DNAH17: variants seen among roughly 807,000 people sequenced by gnomAD.
DNAH17 encodes the protein axonemal beta dynein heavy chain 17.
DNAH17 carries 376 observed loss-of-function variants against 485.6 expected under a neutral mutation model. The ratio of observed to expected loss-of-function variants is 0.77; its 90% CI spans 0.71 to 0.84. The LOEUF (loss-of-function observed/expected upper bound fraction) is 0.84. Ranked by LOEUF, DNAH17 falls within the 40% of genes least tolerant of loss-of-function variation. The pLI, the probability that DNAH17 is intolerant of heterozygous loss-of-function variation, is 0.00. For synonymous variants in DNAH17, 3,031 were observed against 2,405.9 expected (o/e 1.26, Z -7.60); for missense variants, 6,370 against 5,839.3 (o/e 1.09, Z -2.96).
In DNAH17 at chr17:78,539,808, T is replaced by C. The variant is rs750751297; in HGVS notation, c.2605A>G (p.Met869Val). Residue 869 changes from methionine to valine, a missense_variant, in exon 18 of 81, where the codon ATG (methionine) becomes GTG (valine). Coordinates refer to ENST00000389840, the MANE Select transcript of DNAH17 (RefSeq NM_173628.4). ...AACTGGTCAAATTCATCTAAGACCATGTCGTCAATGTAGATGACATAATCC... is the reference window on the plus strand; with the variant it reads ...AACTGGTCAAATTCATCTAAGACCACGTCGTCAATGTAGATGACATAATCC... ...WKDYVIYIDD[M>V]VLDEFDQFIR... is the part of the protein sequence containing the mutation. The C allele has an allele frequency of 3.7e-6, 6 of 1,612,032 alleles. No individual in the cohort carries two copies. In the Admixed American group the frequency reaches 5.0e-5, roughly 13 times the overall value.
intron 11 of DNAH17, among the ~76,000 whole-genome samples, chr17:78,566,177 G>A (rs772643591): frequency 2.3e-4 from 35 of 151,980 alleles, no homozygotes; most frequent in Non-Finnish European, 4.1e-4. Flanking sequence ...TAAGCCACCC[G>A]GTCTACAGCA....
intron 55 of DNAH17, among the ~76,000 whole-genome samples, chr17:78,467,584 A>G (rs1568098337): frequency 6.6e-6 from 1 of 152,150 alleles, no homozygotes; most frequent in Non-Finnish European, 1.5e-5. Context: ...TGTTTGAGTC[A>G]AGCAGGGGAA....
rs73387129 is a variant in DNAH17 at position 78,494,896 on chromosome 17, C to G, written c.6042+63G>C. The G allele has an allele frequency of 0.092, 145,898 of 1,577,774 alleles. 7,459 individuals carry two copies. The highest frequency in any genetic ancestry group is 0.16 in the African/African-American group (11,655 of 74,398). On this transcript the variant is annotated intron_variant, in intron 39 of 80. Transcript: ENST00000389840. ...CAGCAGGCAGGTCTGGAAGCCAACC[C>G]TGGCTGCTGCCCGCATCTCAAACTC...
At chr17:78,465,980 G>A (rs2088429494) in intron 56 of DNAH17, among the ~76,000 whole-genome samples, 1 of 152,214 alleles carries the variant, frequency 6.6e-6, no homozygotes, top group Non-Finnish European at 1.5e-5. Context: ...CGGCTTTGTG[G>A]AATGGAGAGG....
In DNAH17 at chr17:78,455,821, T is replaced by C; in HGVS notation, c.9993A>G (p.Leu3331=). The change falls in exon 63 of 81, where the codon TTA becomes TTG. Residue 3331 remains leucine (L), a synonymous_variant. Transcript: ENST00000389840. Reference sequence around the variant, plus strand: ...CAGCCCAGCGGATGTTTTCCGATGCTAATCCCCCGACCAGCCTAAAGTGGG... The same window carrying C: ...CAGCCCAGCGGATGTTTTCCGATGCCAATCCCCCGACCAGCCTAAAGTGGG... ...ILLANRLVGG[L]ASENIRWAES... The C allele has an allele frequency of 6.2e-7, 1 of 1,604,250 alleles. No individual in the cohort carries two copies. The highest frequency in any genetic ancestry group is 8.5e-7 in the Non-Finnish European group (1 of 1,175,256).
rs369068782 is a variant in DNAH17, at chr17:78,486,481, G to A, written c.6844C>T (p.Arg2282Cys). 6.5e-5 allele frequency: 104 copies of A among 1,611,074 alleles called. No individual in the cohort carries two copies. The highest frequency in any genetic ancestry group is 9.3e-5 in the African/African-American group (7 of 75,030). ...NPVVSSWIER[R>C]KVQSEKANLM... is the part of the protein sequence containing the mutation. ...TTGGCCTTCTCCGACTGCACCTTGC[G>A]CCTCTCGATCCAGCTGCTCACCACC... The change falls in exon 45 of 81, where the codon CGC (arginine) becomes TGC (cysteine). Residue 2282 changes from arginine (R) to cysteine (C), a missense_variant. Physicochemically the swap from Arg to Cys is radical, Grantham distance 180 (BLOSUM62 -3). Coordinates refer to ENST00000389840, the MANE Select transcript of DNAH17 (RefSeq NM_173628.4).
At chr17:78,433,247 G>A (rs905444317) in intron 75 of DNAH17, among the ~76,000 whole-genome samples, 27 of 152,300 alleles carry the variant, frequency 1.8e-4, no homozygotes, top group African/African-American at 6.3e-4. Flanking sequence ...GAGCACTACC[G>A]CTCTCTCCAG....
At position 78,543,846 on chromosome 17, in the gene DNAH17, T is replaced by C. The variant is rs1026247994; in HGVS notation, c.2532+11A>G. The C allele has an allele frequency of 6.2e-7, 1 of 1,613,958 alleles. No homozygotes were observed. On this transcript the variant is annotated intron_variant, in intron 17 of 80. Coordinates refer to ENST00000389840, the MANE Select transcript of DNAH17 (RefSeq NM_173628.4). ...GTGGGTTCTCAAAAAACCTCCTGGG[T>C]GTTTCCTTACTGCAACCATGGCTTG... is the stretch of plus-strand genomic sequence containing the variant.
chr17:78,530,539 G>A (rs1195498731), intron 20 of DNAH17, 27 bp from the exon 21 acceptor site: 4 of 1,584,962 alleles, frequency 2.5e-6, no homozygotes, highest in South Asian at 1.1e-5. Flanking sequence ...CCGGCGGCCT[G>A]TCATAGCCTG....
In DNAH17 at chr17:78,476,805, C is replaced by T. The variant is rs1463828167; in HGVS notation, c.7993-72G>A. 3 of 1,525,918 alleles carry T rather than the reference C, an allele frequency of 2.0e-6. No individual in the cohort carries two copies. In the African/African-American group the frequency reaches 4.2e-5, roughly 21 times the overall value. 94.5% of individuals were successfully genotyped at this position (1,525,918 alleles called of 1,614,324 possible). A position where few individuals can be genotyped will look rare whatever the true frequency, so the allele number is the denominator to read the frequency against. On this transcript the variant is annotated intron_variant, in intron 51 of 80. Coordinates refer to ENST00000389840, the MANE Select transcript of DNAH17 (RefSeq NM_173628.4). ...GAGCCCAGAGCTGGACACAGATGAC[C>T]CTGAGGAGCAGCCCCCTCCCCCGGG...
chr17:78,462,514 G>T (rs1161119083), intron 57 of DNAH17, among the ~76,000 whole-genome samples: 1 of 152,158 alleles, frequency 6.6e-6, no homozygotes, highest in Non-Finnish European at 1.5e-5. Context: ...GGTATGAATG[G>T]TATTTACGAA....
rs1044575564 is a variant in DNAH17, at chr17:78,537,414, G to A, written c.2744C>T (p.Thr915Ile). The change falls in exon 19 of 81, where the codon ACC becomes ATC. Residue 915 changes from threonine to isoleucine, a missense_variant. Coordinates refer to ENST00000389840, the MANE Select transcript of DNAH17 (RefSeq NM_173628.4). ...GCCGCGATCTGAGCCCACCTCCAGG[G>A]TCGGGTTGAAGGTCAGCCCATCCTC... Reference protein sequence around the residue: ...LDEDGLTFNPTLEVGSDRGFL... With the variant: ...LDEDGLTFNPILEVGSDRGFL... The A allele has an allele frequency of 2.5e-6, 4 of 1,613,408 alleles. No homozygotes were observed. Among genetic ancestry groups the A allele is most frequent in the Non-Finnish European group, 3.4e-6 (4 of 1,179,854 alleles).
intron 33 of DNAH17, 38 bp downstream of exon 33, chr17:78,502,553 G>A: frequency 6.4e-7 from 1 of 1,572,964 alleles, no homozygotes; most frequent in Non-Finnish European, 8.6e-7. Flanking sequence ...TTTTAAACAA[G>A]TTTTAAAAAC....
intron 7 of DNAH17, 35 bp downstream of exon 7, chr17:78,570,212 G>A: frequency 6.4e-7 from 1 of 1,552,998 alleles, no homozygotes; most frequent in Non-Finnish European, 8.7e-7. Context: ...AGCCAGGAGG[G>A]GAGGAAGGGG....
intron 79 of DNAH17, 32 bp from the exon 80 acceptor site, chr17:78,425,603 G>A: frequency 6.4e-7 from 1 of 1,564,966 alleles, no homozygotes; most frequent in Non-Finnish European, 8.7e-7. Flanking sequence ...TAGGAGGAGA[G>A]GACATAGAAT....
chr17:78,506,477 C>G (rs555680249), intron 30 of DNAH17, among the ~76,000 whole-genome samples: 2 of 152,254 alleles, frequency 1.3e-5, no homozygotes, highest in East Asian at 1.9e-4. Flanking sequence ...AAATGAGGCA[C>G]AGAGAGGCAA....
chr17:78,424,058 C>T lies in DNAH17; in HGVS notation c.13237G>A (p.Val4413Met), dbSNP rs773868447. 6.2e-7 allele frequency: 1 copy of T among 1,614,052 alleles called. No homozygotes were observed. Among genetic ancestry groups the T allele is most frequent in the Non-Finnish European group, 8.5e-7 (1 of 1,179,898 alleles). ...MPVIFIKAIP[V>M]DRMETKNIYE... ...ATGTTCTTGGTCTCCATGCGGTCCACAGGAATGGCCTTGATGAAGATGACA... is the reference window on the plus strand; with the variant it reads ...ATGTTCTTGGTCTCCATGCGGTCCATAGGAATGGCCTTGATGAAGATGACA... The change falls in exon 81 of 81, where the codon GTG becomes ATG. Residue 4413 changes from valine to methionine, a missense_variant. Val to Met is a conservative substitution (Grantham distance 21, BLOSUM62 1). Transcript: ENST00000389840.
chr17:78,508,872 G>A (rs1301825976), intron 27 of DNAH17, among the ~76,000 whole-genome samples: 2 of 151,954 alleles, frequency 1.3e-5, no homozygotes, highest in Non-Finnish European at 2.9e-5. Flanking sequence ...CATGATCACA[G>A]CTCACCGCAG....
chr17:78,479,415 G>T (rs2089249925), intron 50 of DNAH17, 70 bp downstream of exon 50: 3 of 1,483,320 alleles, frequency 2.0e-6, no homozygotes, highest in Non-Finnish European at 2.7e-6. Flanking sequence ...AAGGGAAAAT[G>T]TGAAGAACCA....
Sources: allele counts gnomAD v4.1 joint callset (sites outside exome capture counted in the v4.1 genomes callset), GRCh38; gene constraint gnomAD v4.1.1; transcripts MANE v1.5; gene names NCBI Gene and HGNC (gene_info 2026-07-23, HGNC 2026-07-21).